The following SGK1 variants were observed in gnomAD, a reference collection of about 807,000 sequenced individuals.
SGK1 encodes the protein serine/threonine-protein kinase Sgk1.
SGK1 carries 26 observed loss-of-function variants against 64.2 expected under a neutral mutation model. The observed-to-expected ratio is 0.40, with a 90% CI of 0.30 to 0.56. The LOEUF (loss-of-function observed/expected upper bound fraction) is 0.56. SGK1 is among the 20% of genes least tolerant of loss of function. The pLI, the probability that SGK1 is intolerant of heterozygous loss-of-function variation, is 0.38. For missense variants in SGK1, 519 were observed against 645.6 expected (o/e 0.80, Z 2.12); for synonymous variants, 265 against 239.7 (o/e 1.11, Z -0.98).
chr6:134,290,148 C>T (rs12208909), intron 1 of SGK1, among the ~76,000 whole-genome samples: 1 of 72,154 alleles, frequency 1.4e-5, no homozygotes, highest in East Asian at 4.5e-4. Context: ...AAAGCTCCTT[C>T]TCAAAAAAAA....
intron 1 of SGK1, among the ~76,000 whole-genome samples, chr6:134,313,392 CAG>C (rs1332956557): frequency 6.6e-6 from 1 of 152,018 alleles, no homozygotes. Context: ...AACAAAAATA[CAG>C]AGTCAAAATG....
In SGK1 at chr6:134,317,803, G is replaced by C. The variant is rs939016717; in HGVS notation, c.-343C>G. 3 of 230,974 alleles carry C rather than the reference G, an allele frequency of 1.3e-5. No homozygotes were observed. Among genetic ancestry groups the C allele is most frequent in the African/African-American group, 6.8e-5 (3 of 44,328 alleles). 14.3% of individuals were successfully genotyped at this position (230,974 alleles called of 1,614,324 possible). On this transcript the variant is annotated 5_prime_UTR_variant, in exon 1 of 14. Coordinates refer to ENST00000367858, the MANE Select transcript of SGK1 (RefSeq NM_001143676.3). ...GAGCGGGAGAAGGGTACGCCTCCCC[G>C]CCCCCAGCTACCTGGCTGCTCTTCC...
chr6:134,257,947 T>G (rs1260542515), intron 2 of SGK1, among the ~76,000 whole-genome samples: 2 of 152,166 alleles, frequency 1.3e-5, no homozygotes, highest in African/African-American at 4.8e-5. Flanking sequence ...TCGGGAGATG[T>G]CAGGAGAACA....
At chr6:134,177,722 G>A (rs1446245410) in intron 3 of SGK1, 1 of 1,613,960 alleles carries the variant, frequency 6.2e-7, no homozygotes, top group South Asian at 1.1e-5. Flanking sequence ...AGGATATGCA[G>A]GTTGGGGATT....
intron 1 of SGK1, chr6:134,298,008 A>G: frequency 4.7e-6 from 4 of 856,828 alleles, no homozygotes; most frequent in Non-Finnish European, 4.0e-6. Context: ...CGTATCCGAG[A>G]TCTGGGACTG....
intron 1 of SGK1, among the ~76,000 whole-genome samples, chr6:134,284,205 G>C (rs369473767): frequency 6.6e-6 from 1 of 152,078 alleles, no homozygotes; most frequent in East Asian, 1.9e-4. Flanking sequence ...CAATTCTCCT[G>C]TCTCAGCCTC....
chr6:134,225,365 A>AG (rs1776159149), intron 2 of SGK1, among the ~76,000 whole-genome samples: 1 of 151,764 alleles, frequency 6.6e-6, no homozygotes, highest in South Asian at 2.1e-4. Flanking sequence ...AAAAAAAAAA[A>AG]AAAGAAAAGA....
In SGK1 at chr6:134,173,570, GAAAA is replaced by G. The variant is rs113667538; in HGVS notation, c.514-8_514-5del. ...TGATTTGCTGAGAAGGACTTGGCTA[GAAAA>G]AAAAAAAAAGAATTTCTTTTAATAC... is the stretch of plus-strand genomic sequence containing the variant. On this transcript the variant is annotated splice_region_variant and splice_polypyrimidine_tract_variant and intron_variant, in intron 5 of 13. Transcript: ENST00000367858. 3.5e-5 allele frequency: 44 copies of G among 1,258,880 alleles called. No homozygotes were observed. Among genetic ancestry groups the G allele is most frequent in the African/African-American group, 2.8e-4 (17 of 60,616 alleles). 78.0% of individuals were successfully genotyped at this position (1,258,880 alleles called of 1,614,324 possible).
intron 1 of SGK1, among the ~76,000 whole-genome samples, chr6:134,287,374 A>AT (rs988361243): frequency 6.6e-6 from 1 of 150,440 alleles, no homozygotes; most frequent in Non-Finnish European, 1.5e-5. Context: ...TGTCCTATAA[A>AT]TTTTTTTGTT....
At chr6:134,212,349 G>A (rs987340693) in intron 2 of SGK1, among the ~76,000 whole-genome samples, 4 of 152,122 alleles carry the variant, frequency 2.6e-5, no homozygotes, top group East Asian at 3.9e-4. Flanking sequence ...CACCGCGCCC[G>A]GTGATTCCTG....
intron 4 of SGK1, 25 bp from the exon 5 acceptor site, chr6:134,174,105 T>C: frequency 6.3e-7 from 1 of 1,585,856 alleles, no homozygotes; most frequent in Non-Finnish European, 8.6e-7. Flanking sequence ...GGGCACGATT[T>C]AGAATCCAGC....
At position 134,190,534 on chromosome 6, in the gene SGK1, C is replaced by A. The variant is rs1246661351; in HGVS notation, c.362-15948G>T. Among the ~76,000 whole-genome samples, 3 of 152,162 alleles carry A rather than the reference C, an allele frequency of 2.0e-5. No homozygotes were observed. In the East Asian group the frequency reaches 5.8e-4, roughly 29 times the overall value. ...CTCCTGGCCTCAAGTAATCCACCCA[C>A]CTCAGCCTCCCAAAGTACTGGGATT... On this transcript the variant is annotated intron_variant, in intron 3 of 13. Transcript: ENST00000367858.
Position 134,297,861 on chromosome 6 carries a change from T to C in SGK1, c.69+19531A>G. ...GTGCTTCCCAGCCAGCATCTGCAGC[T>C]CCTCATATTTGATCTGGTACATGCT... On this transcript the variant is annotated intron_variant, in intron 1 of 13. Coordinates refer to ENST00000367858, the MANE Select transcript of SGK1 (RefSeq NM_001143676.3). 3.9e-6 allele frequency: 3 copies of C among 776,982 alleles called. No individual in the cohort carries two copies. In the South Asian group the frequency reaches 4.1e-5, roughly 11 times the overall value. 48.1% of individuals were successfully genotyped at this position (776,982 alleles called of 1,614,324 possible).
chr6:134,306,741 C>A (rs1387504802), intron 1 of SGK1, among the ~76,000 whole-genome samples: 1 of 151,762 alleles, frequency 6.6e-6, no homozygotes, highest in East Asian at 1.9e-4. Flanking sequence ...CCCAGCTGGT[C>A]TCGAATCCGC....
At position 134,265,631 on chromosome 6, in the gene SGK1, T is replaced by TATATAC. The variant is rs56933031; in HGVS notation, c.70-3484_70-3483insGTATAT. Among the ~76,000 whole-genome samples the TATATAC allele has an allele frequency of 9.7e-4, 140 of 144,568 alleles. 2 individuals carry two copies. The highest frequency in any genetic ancestry group is 3.0e-3 in the African/African-American group (117 of 39,102). The allele number at this position is 144,568 out of a possible 152,430, so 94.8% of individuals were successfully genotyped here. A position where few individuals can be genotyped will look rare whatever the true frequency, so the allele number is the denominator to read the frequency against. On this transcript the variant is annotated intron_variant, in intron 1 of 13. Transcript: ENST00000367858. ...TTTTATATATATACATATATATATA[T>TATATAC]ACATATATATATACACAGAAACACT...
chr6:134,236,033 A>C (rs755777453), intron 2 of SGK1, among the ~76,000 whole-genome samples: 18 of 152,082 alleles, frequency 1.2e-4, no homozygotes, highest in Admixed American at 2.6e-4. Flanking sequence ...CTCCATCCTC[A>C]CAGGTGGGTG....
intron 1 of SGK1, chr6:134,283,050 T>G (rs1000292779): frequency 6.6e-6 from 1 of 151,922 alleles, no homozygotes; most frequent in African/African-American, 2.4e-5. Context: ...GCTTCCCATG[T>G]ACCAAAACTT....
At chr6:134,280,657 A>G (rs1450434453) in intron 1 of SGK1, among the ~76,000 whole-genome samples, 2 of 152,154 alleles carry the variant, frequency 1.3e-5, no homozygotes, top group Non-Finnish European at 2.9e-5. Flanking sequence ...TTCACTGGAC[A>G]TCTTTATGTT....
chr6:134,283,361 C>T (rs766771687), intron 1 of SGK1, among the ~76,000 whole-genome samples: 30 of 151,894 alleles, frequency 2.0e-4, no homozygotes, highest in African/African-American at 6.8e-4. Flanking sequence ...CGTGGTGGCA[C>T]GTGCCTGTAA....
Sources: allele counts gnomAD v4.1 joint callset (sites outside exome capture counted in the v4.1 genomes callset), GRCh38; gene constraint gnomAD v4.1.1; transcripts MANE v1.5; gene names NCBI Gene and HGNC (gene_info 2026-07-23, HGNC 2026-07-21).